The following SH3D19 variants were observed in gnomAD, a reference collection of about 807,000 sequenced individuals.
The protein encoded by SH3D19 is SH3 domain-containing protein 19.
Under a neutral mutation model 112.1 loss-of-function variants are expected in SH3D19, and 58 were observed. The observed-to-expected ratio is 0.52, with a 90% confidence interval of 0.42 to 0.64. The LOEUF (loss-of-function observed/expected upper bound fraction) is 0.64. Among genes scored for constraint, SH3D19 ranks in the 30% least tolerant of loss-of-function variants. The pLI, the probability that SH3D19 is intolerant of heterozygous loss-of-function variation, is 0.00. For synonymous variants in SH3D19, 391 were observed against 448.5 expected (o/e 0.87, Z 1.62); for missense variants, 1,090 against 1,263.4 (o/e 0.86, Z 2.08).
chr4:151,174,707 G>T lies in SH3D19; in HGVS notation c.1497C>A (p.Asn499Lys), dbSNP rs754699935. 4.0e-6 allele frequency: 6 copies of T among 1,513,854 alleles called. No individual in the cohort carries two copies. 93.8% of individuals were successfully genotyped at this position (1,513,854 alleles called of 1,614,324 possible). ...DDDVLPTPSG[N>K]LAEESVGSEM... ...CTGAACCAACAGATTCTTCAGCCAG[G>T]TTCCCCGATGGGGTGGGCAAAACAT... Residue 499 changes from asparagine to lysine, a missense_variant, in exon 7 of 20, where the codon AAC becomes AAA. Physicochemically the swap from Asn to Lys is moderately conservative, Grantham distance 94. Coordinates refer to ENST00000604030, the MANE Select transcript of SH3D19 (RefSeq NM_001378122.1).
chr4:151,156,303 T>C (rs1579841403), intron 9 of SH3D19, among the ~76,000 whole-genome samples: 1 of 152,072 alleles, frequency 6.6e-6, no homozygotes, highest in Non-Finnish European at 1.5e-5. Flanking sequence ...TGACATTCTT[T>C]ACAAACAAAG....
intron 1 of SH3D19, among the ~76,000 whole-genome samples, chr4:151,320,241 G>C (rs1730404027): frequency 2.0e-5 from 3 of 152,204 alleles, no homozygotes; most frequent in Admixed American, 2.0e-4. Context: ...TTAGCATTTA[G>C]TAAGCCCTAT....
intron 1 of SH3D19, among the ~76,000 whole-genome samples, chr4:151,320,487 G>A (rs1281299104): frequency 2.0e-5 from 3 of 152,124 alleles, no homozygotes; most frequent in African/African-American, 7.2e-5. Context: ...TGTTCTTAAA[G>A]GGGGTGAGGG....
chr4:151,265,995 T>C (rs2149992947), intron 1 of SH3D19: 1 of 152,328 alleles, frequency 6.6e-6, no homozygotes, highest in African/African-American at 2.4e-5. Flanking sequence ...AAGAATCATC[T>C]AAAACTGAAA....
At chr4:151,186,078 G>C (rs1197040683) in intron 3 of SH3D19, among the ~76,000 whole-genome samples, 1 of 152,050 alleles carries the variant, frequency 6.6e-6, no homozygotes, top group Non-Finnish European at 1.5e-5. Flanking sequence ...CTAAAAATAG[G>C]GCACATTCTC....
intron 1 of SH3D19, among the ~76,000 whole-genome samples, chr4:151,294,599 C>T (rs895766224): frequency 6.6e-6 from 1 of 152,204 alleles, no homozygotes; most frequent in African/African-American, 2.4e-5. Flanking sequence ...ACACAACAGA[C>T]CCTCCTCTGG....
At chr4:151,183,380 C>T (rs1054607847) in intron 3 of SH3D19, among the ~76,000 whole-genome samples, 6 of 152,090 alleles carry the variant, frequency 3.9e-5, no homozygotes, top group Non-Finnish European at 8.8e-5. Flanking sequence ...GCAGTATTAC[C>T]ACCAATAAAG....
At position 151,164,983 on chromosome 4, in the gene SH3D19, C is replaced by T. The variant is rs546871588; in HGVS notation, c.1642+606G>A. ...AGATTATGCTGATTGCAATAATATA[C>T]TCCTGACTGATAGACATATACACCT... On this transcript the variant is annotated intron_variant, in intron 8 of 19. Transcript: ENST00000604030. Among the ~76,000 whole-genome samples the T allele has an allele frequency of 3.9e-5, 6 of 152,328 alleles. No individual in the cohort carries two copies. The East Asian group carries it at 1.2e-3, about 29-fold the overall frequency.
chr4:151,147,885 C>A (rs745321273), intron 11 of SH3D19, 37 bp downstream of exon 11: 17 of 1,561,940 alleles, frequency 1.1e-5, no homozygotes, highest in African/African-American at 4.1e-5. Context: ...TTAGGGCACA[C>A]CTCTTGACCA....
intron 1 of SH3D19, among the ~76,000 whole-genome samples, chr4:151,245,093 G>A (rs551676885): frequency 1.3e-5 from 2 of 152,034 alleles, no homozygotes; most frequent in East Asian, 1.9e-4. Context: ...GCAGTGAGCC[G>A]AGATCACGCC....
intron 2 of SH3D19, among the ~76,000 whole-genome samples, chr4:151,193,709 G>A (rs1422355842): frequency 3.9e-5 from 6 of 152,136 alleles, no homozygotes; most frequent in African/African-American, 1.2e-4. Context: ...GAGGTATGGT[G>A]CATGTCAACC....
chr4:151,213,083 G>T (rs1414835718), intron 2 of SH3D19, among the ~76,000 whole-genome samples: 1 of 152,224 alleles, frequency 6.6e-6, no homozygotes, highest in Non-Finnish European at 1.5e-5. Flanking sequence ...TGATGATAAA[G>T]CTTCAGTGGA....
intron 1 of SH3D19, among the ~76,000 whole-genome samples, chr4:151,317,431 A>T (rs1408939111): frequency 6.6e-6 from 1 of 152,234 alleles, no homozygotes; most frequent in Non-Finnish European, 1.5e-5. Context: ...GTCTCTAAGC[A>T]CCATTGGATG....
At chr4:151,253,345 G>A (rs1234578942) in intron 1 of SH3D19, among the ~76,000 whole-genome samples, 1 of 152,074 alleles carries the variant, frequency 6.6e-6, no homozygotes, top group Non-Finnish European at 1.5e-5. Context: ...TACCTCTCAG[G>A]TCTCTGCTCA....
chr4:151,154,115 C>T (rs1379429402), intron 9 of SH3D19, among the ~76,000 whole-genome samples: 1 of 150,642 alleles, frequency 6.6e-6, no homozygotes, highest in Non-Finnish European at 1.5e-5. Context: ...GCGCATGACA[C>T]CACACCCGGC....
At chr4:151,145,094 C>T (rs1448318676) in intron 11 of SH3D19, among the ~76,000 whole-genome samples, 5 of 152,168 alleles carry the variant, frequency 3.3e-5, no homozygotes, top group East Asian at 1.9e-4. Context: ...ATTCCTAGGG[C>T]TTCCAATGTA....
At chr4:151,172,426 G>T (rs907062667) in intron 7 of SH3D19, among the ~76,000 whole-genome samples, 4 of 152,158 alleles carry the variant, frequency 2.6e-5, no homozygotes, top group Admixed American at 2.0e-4. Flanking sequence ...AATTTGGGAG[G>T]CCACTGCAGT....
intron 2 of SH3D19, among the ~76,000 whole-genome samples, chr4:151,192,159 G>C (rs948417453): frequency 6.6e-6 from 1 of 151,732 alleles, no homozygotes; most frequent in Non-Finnish European, 1.5e-5. Context: ...GGATGGTCTC[G>C]ATCTCCTGAC....
chr4:151,185,132 G>A (rs72723747), intron 3 of SH3D19, among the ~76,000 whole-genome samples: 1 of 147,678 alleles, frequency 6.8e-6, no homozygotes, highest in Non-Finnish European at 1.5e-5. Context: ...TCTATCTTGG[G>A]GGATCCATGG....
Sources: allele counts gnomAD v4.1 joint callset (sites outside exome capture counted in the v4.1 genomes callset), GRCh38; gene constraint gnomAD v4.1.1; transcripts MANE v1.5; gene names NCBI Gene and HGNC (gene_info 2026-07-23, HGNC 2026-07-21).